The following GPR137B variants were observed in gnomAD, a reference collection of about 807,000 sequenced individuals.
The protein encoded by GPR137B is integral membrane protein GPR137B.
A neutral mutation model predicts 42.5 loss-of-function variants in GPR137B; 42 were observed. The ratio of observed to expected loss-of-function variants is 0.99; its 90% CI spans 0.77 to 1.28. GPR137B has a LOEUF of 1.28. GPR137B is among the 50% of genes most tolerant of loss of function. The pLI, the probability that GPR137B is intolerant of heterozygous loss-of-function variation, is 0.00. For missense variants in GPR137B, 487 were observed against 493.9 expected (o/e 0.99, Z 0.13); for synonymous variants, 218 against 209.7 (o/e 1.04, Z -0.34).
intron 1 of GPR137B, among the ~76,000 whole-genome samples, chr1:236,164,641 G>A (rs751347735): frequency 6.6e-5 from 10 of 152,120 alleles, no homozygotes; most frequent in Non-Finnish European, 1.5e-5. Flanking sequence ...TTAGATTTTT[G>A]TTTTTGAAAA....
Position 236,208,794 on chromosome 1 carries a change from C to A in GPR137B, c.*636C>A, listed in dbSNP as rs1415011570. On this transcript the variant is annotated 3_prime_UTR_variant, in exon 7 of 7. Transcript: ENST00000366592. The stretch of plus-strand genomic sequence containing the variant: ...CTCAAGGAATCTCTTAAGTTTTGCC[C>A]AAAGACTGGTACTTCCTTTCAGTAG... 2 of 983,530 alleles carry A rather than the reference C, an allele frequency of 2.0e-6. No homozygotes were observed. Among genetic ancestry groups the A allele is most frequent in the East Asian group, 2.3e-4 (2 of 8,804 alleles). 60.9% of individuals were successfully genotyped at this position (983,530 alleles called of 1,614,324 possible).
At chr1:236,195,844 G>C (rs1164582070) in intron 5 of GPR137B, among the ~76,000 whole-genome samples, 1 of 152,150 alleles carries the variant, frequency 6.6e-6, no homozygotes, top group Non-Finnish European at 1.5e-5. Flanking sequence ...GCATTTCTCT[G>C]ATGATCATTG....
chr1:236,207,973 T>C, intron 6 of GPR137B, 77 bp from the exon 7 acceptor site: 2 of 1,028,846 alleles, frequency 1.9e-6, no homozygotes, highest in Non-Finnish European at 2.9e-6. Flanking sequence ...AAATCTCAGC[T>C]CTGTCTACCT....
At chr1:236,172,909 CT>C (rs1297347625) in intron 2 of GPR137B, among the ~76,000 whole-genome samples, 1 of 150,986 alleles carries the variant, frequency 6.6e-6, no homozygotes. Context: ...CCAGGCTGGT[CT>C]TGAATTCCTG....
intron 4 of GPR137B, among the ~76,000 whole-genome samples, chr1:236,183,372 A>G (rs1045278551): frequency 2.6e-5 from 4 of 152,210 alleles, no homozygotes; most frequent in East Asian, 3.8e-4. Context: ...TCACTATTCA[A>G]TTGTTGAAGA....
At chr1:236,207,641 A>G (rs1046193785) in intron 6 of GPR137B, among the ~76,000 whole-genome samples, 34 of 152,356 alleles carry the variant, frequency 2.2e-4, no homozygotes, top group African/African-American at 7.9e-4. Context: ...CTCAGTCCCC[A>G]CAATAGGCCC....
intron 6 of GPR137B, chr1:236,207,109 C>G (rs115289741): frequency 0.012 from 11,484 of 981,034 alleles, 71 homozygotes; most frequent in Non-Finnish European, 0.013. Context: ...TTTAAGAGAG[C>G]TCTGAAAAGA....
At chr1:236,175,837 G>A (rs1662671154) in intron 2 of GPR137B, among the ~76,000 whole-genome samples, 1 of 152,144 alleles carries the variant, frequency 6.6e-6, no homozygotes, top group African/African-American at 2.4e-5. Context: ...AAGCAGCGGG[G>A]CTTGCTTGGT....
At chr1:236,193,831 A>G (rs1217213158) in intron 5 of GPR137B, among the ~76,000 whole-genome samples, 1 of 152,040 alleles carries the variant, frequency 6.6e-6, no homozygotes, top group African/African-American at 2.4e-5. Context: ...CTGTCTTTTC[A>G]CTTTCTTGAT....
At chr1:236,177,745 G>A (rs1053676367) in intron 2 of GPR137B, among the ~76,000 whole-genome samples, 5 of 151,724 alleles carry the variant, frequency 3.3e-5, no homozygotes, top group African/African-American at 7.3e-5. Context: ...TAGTAGAGAC[G>A]GGGTTTCACC....
chr1:236,208,033 AT>A lies in GPR137B; in HGVS notation c.1092-10del, dbSNP rs759232421. On this transcript the variant is annotated splice_polypyrimidine_tract_variant and intron_variant, in intron 6 of 6. Coordinates refer to ENST00000366592, the MANE Select transcript of GPR137B (RefSeq NM_003272.4). ...ATATAATGTTTCAAGTCACTGAAAT[AT>A]TTTTTTCTTTTTAAGTTTTGCTCCA... 81 of 1,582,650 alleles carry A rather than the reference AT, an allele frequency of 5.1e-5. 1 individual carries two copies. In the Admixed American group the frequency reaches 1.3e-3, roughly 25 times the overall value.
At chr1:236,207,119 A>C in intron 6 of GPR137B, 1 of 984,156 alleles carries the variant, frequency 1.0e-6, no homozygotes, top group South Asian at 4.7e-5. Context: ...CTCTGAAAAG[A>C]GTCCTTGTTT....
intron 5 of GPR137B, among the ~76,000 whole-genome samples, chr1:236,184,458 A>G (rs527542724): frequency 1.9e-4 from 29 of 152,330 alleles, no homozygotes; most frequent in South Asian, 6.2e-4. Flanking sequence ...TGCAAAACCA[A>G]GTAGCGTGAG....
intron 5 of GPR137B, among the ~76,000 whole-genome samples, chr1:236,189,371 G>T (rs1191907832): frequency 6.6e-6 from 1 of 151,960 alleles, no homozygotes; most frequent in Non-Finnish European, 1.5e-5. Flanking sequence ...TTTTGAATTT[G>T]TTTGCTCTTG....
chr1:236,163,711 C>T (rs898853049), intron 1 of GPR137B, among the ~76,000 whole-genome samples: 1 of 152,136 alleles, frequency 6.6e-6, no homozygotes, highest in African/African-American at 2.4e-5. Flanking sequence ...AAGTGCCTTT[C>T]GCCACCCACT....
At chr1:236,180,208 T>G (rs1034951673) in intron 4 of GPR137B, 180 bp downstream of exon 4, 2 of 572,972 alleles carry the variant, frequency 3.5e-6, no homozygotes, top group African/African-American at 3.7e-5. Context: ...AATCTCTAGA[T>G]GATTTACAAT....
chr1:236,191,406 TGGA>T (rs1333522000), intron 5 of GPR137B, among the ~76,000 whole-genome samples: 1 of 152,206 alleles, frequency 6.6e-6, no homozygotes, highest in Non-Finnish European at 1.5e-5. Flanking sequence ...TGTGATCCTT[TGGA>T]GGAGAAGTGG....
chr1:236,179,180 C>G (rs1450336191), intron 3 of GPR137B, among the ~76,000 whole-genome samples: 1 of 151,978 alleles, frequency 6.6e-6, no homozygotes, highest in South Asian at 2.1e-4. Context: ...TGAGCTCACC[C>G]CTATGGCACA....
chr1:236,155,646 G>A lies in GPR137B; in HGVS notation c.414+12610G>A, dbSNP rs894838568. On this transcript the variant is annotated intron_variant, in intron 1 of 6. Coordinates refer to ENST00000366592, the MANE Select transcript of GPR137B (RefSeq NM_003272.4). This position sits in a 1 kb window ranked among gnomAD's most constrained non-coding sequence, Gnocchi z 4.6. ...TTCTGGGTGGCCAGCCTGTGTTGGC[G>A]CCGTTGGATGGAGTGAAGCTCAGTT... Among the ~76,000 whole-genome samples, 2 of 152,096 alleles carry A rather than the reference G, an allele frequency of 1.3e-5. No individual in the cohort carries two copies. Among genetic ancestry groups the A allele is most frequent in the East Asian group, 1.9e-4 (1 of 5,152 alleles).
Sources: gnomAD v4.1 joint callset for allele counts (sites outside exome capture counted in the v4.1 genomes callset) on GRCh38, gnomAD v4.1.1 for gene constraint, Gnocchi (gnomAD v3.1) non-coding constraint, MANE v1.5 for transcripts, NCBI Gene and HGNC (gene_info 2026-07-23, HGNC 2026-07-21) for gene names.